PTPN7: variants seen among roughly 807,000 people sequenced by gnomAD.
PTPN7 encodes protein tyrosine phosphatase non-receptor type 7.
In PTPN7, 33 loss-of-function variants were observed where a neutral mutation model predicts 50.3. The ratio of observed to expected loss-of-function variants is 0.66; its 90% CI spans 0.50 to 0.88. The LOEUF is 0.88. Among genes scored for constraint, PTPN7 ranks in the 40% least tolerant of loss-of-function variants. The pLI is 0.00. For synonymous variants in PTPN7, 185 were observed against 186.6 expected, an observed-to-expected ratio of 0.99 and a Z score of 0.07; for missense variants, 412 against 475.4, an observed-to-expected ratio of 0.87 and a Z score of 1.24.
rs1284832357 is a variant in PTPN7, at chr1:202,157,833, G to T, written c.307-10C>A. The T allele has an allele frequency of 4.3e-6, 7 of 1,611,598 alleles. No individual in the cohort carries two copies. The highest frequency in any genetic ancestry group is 5.9e-6 in the Non-Finnish European group (7 of 1,177,754). On this transcript the variant is annotated splice_polypyrimidine_tract_variant and intron_variant, in intron 3 of 9. Coordinates refer to ENST00000691036, the MANE Select transcript of PTPN7 (RefSeq NM_002832.4). ...AGTTTGAAGGGATCTTCTGGCAGGGGGAGGAAATGGGTGAGCAGCTGACTC... is the reference window on the plus strand; with the variant it reads ...AGTTTGAAGGGATCTTCTGGCAGGGTGAGGAAATGGGTGAGCAGCTGACTC...
chr1:202,161,460 C>T (rs766605261), upstream of PTPN7: 1 of 1,289,828 alleles, frequency 7.8e-7, no homozygotes. Flanking sequence ...GCCTGGATGC[C>T]TGGGACCTGA....
rs777391455 is a variant in PTPN7, at chr1:202,153,713, G to A, written c.717+12C>T. ...CAACTTCCCACTGGGCCTGGCTCCGGGGGGGTGGTACCTGGATGGTGAGCT... is the reference window on the plus strand; with the variant it reads ...CAACTTCCCACTGGGCCTGGCTCCGAGGGGGTGGTACCTGGATGGTGAGCT... On this transcript the variant is annotated intron_variant, in intron 7 of 9. Coordinates refer to ENST00000691036, the MANE Select transcript of PTPN7 (RefSeq NM_002832.4). The A allele has an allele frequency of 1.2e-6, 2 of 1,607,882 alleles. No homozygotes were observed. The highest frequency in any genetic ancestry group is 1.7e-5 in the Admixed American group (1 of 59,970).
At position 202,159,274 on chromosome 1, in the gene PTPN7, A is replaced by G; in HGVS notation, c.122+7T>C. The stretch of plus-strand genomic sequence containing the variant: ...TCGGAAGACCCCTCCCCCAGGGAAG[A>G]TCTCACCTCTCCTGCAGTCGCACAT... On this transcript the variant is annotated splice_region_variant and intron_variant, in intron 2 of 9. Coordinates refer to ENST00000691036, the MANE Select transcript of PTPN7 (RefSeq NM_002832.4). This position sits in a 1 kb window ranked among gnomAD's most constrained non-coding sequence, Gnocchi z 4.6. 6.2e-7 allele frequency: 1 copy of G among 1,613,486 alleles called. No homozygotes were observed. Among genetic ancestry groups the G allele is most frequent in the East Asian group, 2.2e-5 (1 of 44,864 alleles).
chr1:202,156,935 C>T (rs532251564), intron 4 of PTPN7, among the ~76,000 whole-genome samples: 1 of 152,284 alleles, frequency 6.6e-6, no homozygotes, highest in African/African-American at 2.4e-5. Context: ...ACAGTGTCCT[C>T]CCTCCCCGCC....
At chr1:202,149,820 C>CTTTTTTTTTTTTTTTTTTTT (rs796249545) in intron 9 of PTPN7, 1 of 123,188 alleles carries the variant, frequency 8.1e-6, no homozygotes, top group African/African-American at 3.2e-5. Flanking sequence ...GACAGATATT[C>CTTTTTTTTTTTTTTTTTTTT]TTTTTTTTGT....
Position 202,147,297 on chromosome 1 carries a change from C to G in PTPN7, c.*1309G>C, listed in dbSNP as rs1478206986. ...GGCTGTAAGGAAGGAGCAGCTCCTC[C>G]ATAAGGCCAAGCAGAAGCATTAGGG... On this transcript the variant is annotated 3_prime_UTR_variant, in exon 10 of 10. Coordinates refer to ENST00000691036, the MANE Select transcript of PTPN7 (RefSeq NM_002832.4). The G allele has an allele frequency of 6.6e-6, 1 of 151,700 alleles. No individual in the cohort carries two copies. Among genetic ancestry groups the G allele is most frequent in the Non-Finnish European group, 1.5e-5 (1 of 67,986 alleles). The allele number at this position is 151,700 out of a possible 1,614,324, so 9.4% of individuals were successfully genotyped here.
At chr1:202,154,045 C>T in intron 6 of PTPN7, 141 bp downstream of exon 6, 3 of 1,281,762 alleles carry the variant, frequency 2.3e-6, no homozygotes, top group Non-Finnish European at 3.3e-6. Context: ...AGGGCTATAT[C>T]TCAGGGAACT....
rs997371372 is a variant in PTPN7, at chr1:202,159,577, G to C, written c.-52-123C>G. The C allele has an allele frequency of 3.3e-6, 5 of 1,492,714 alleles. No individual in the cohort carries two copies. The highest frequency in any genetic ancestry group is 2.3e-5 in the East Asian group (1 of 43,776). 92.5% of individuals were successfully genotyped at this position (1,492,714 alleles called of 1,614,324 possible). On this transcript the variant is annotated intron_variant, in intron 1 of 9. Transcript: ENST00000691036. The surrounding 1 kb of genome is among the most constrained non-coding windows in gnomAD (Gnocchi z 4.6). The stretch of plus-strand genomic sequence containing the variant: ...GGCGTCTTCTGTTCCCCAAGAGGTG[G>C]CCTCATTTTCACTAAGGGAAGGACA...
chr1:202,161,473 G>T, upstream of PTPN7: 1 of 1,289,748 alleles, frequency 7.8e-7, no homozygotes, highest in Non-Finnish European at 1.0e-6. Flanking sequence ...GGACCTGAAG[G>T]GTGGCCCCCA....
In PTPN7 at chr1:202,148,610, G is replaced by A. The variant is rs769206418; in HGVS notation, c.1079C>T (p.Pro360Leu). The change falls in exon 10 of 10, where the codon CCC becomes CTC. Residue 360 changes from proline (P) to leucine (L), a missense_variant. Physicochemically the swap from Pro to Leu is moderately conservative, Grantham distance 98. Coordinates refer to ENST00000691036, the MANE Select transcript of PTPN7 (RefSeq NM_002832.4). ...GCCACCGGAGGGTGGCAGGGGTCAG[G>A]GGCTGGGTTCCTCAGGCAGCTGGCC... ...YAGQLPEEPS[P>L] 2.5e-6 allele frequency: 4 copies of A among 1,613,870 alleles called. No homozygotes were observed. Among genetic ancestry groups the A allele is most frequent in the Non-Finnish European group, 3.4e-6 (4 of 1,179,874 alleles).
In PTPN7 at chr1:202,155,612, AG is replaced by A; in HGVS notation, c.392-4del. On this transcript the variant is annotated splice_region_variant and splice_polypyrimidine_tract_variant and intron_variant, in intron 4 of 9. Transcript: ENST00000691036. ...TAGACAGACACGGCTCTGGGGATCT[AG>A]GAAATAAAAATCAGCAGAGGTCAGA... The A allele has an allele frequency of 6.4e-7, 1 of 1,553,618 alleles. No individual in the cohort carries two copies. The highest frequency in any genetic ancestry group is 8.9e-7 in the Non-Finnish European group (1 of 1,125,254).
rs1011270483 is a variant in PTPN7 at position 202,159,726 on chromosome 1, G to A, written c.-52-272C>T. On this transcript the variant is annotated intron_variant, in intron 1 of 9. Coordinates refer to ENST00000691036, the MANE Select transcript of PTPN7 (RefSeq NM_002832.4). This position sits in a 1 kb window ranked among gnomAD's most constrained non-coding sequence, Gnocchi z 4.6. The stretch of plus-strand genomic sequence containing the variant: ...GAAGGAGGAAAAGAGAGAGGGGAGA[G>A]AGGCCACACACCAGAGTACACAGGG... 1.5e-6 allele frequency: 2 copies of A among 1,358,082 alleles called. No individual in the cohort carries two copies. The highest frequency in any genetic ancestry group is 1.9e-6 in the Non-Finnish European group (2 of 1,056,432). The allele number at this position is 1,358,082 out of a possible 1,614,324, so 84.1% of individuals were successfully genotyped here.
chr1:202,161,566 C>T, upstream of PTPN7: 1 of 1,283,092 alleles, frequency 7.8e-7, no homozygotes, highest in Non-Finnish European at 1.0e-6. Flanking sequence ...TTCATGCTCG[C>T]TGCACGCCTC....
rs985451852 is a variant in PTPN7 at position 202,152,481 on chromosome 1, A to G, written c.875+61T>C. The G allele has an allele frequency of 9.6e-6, 15 of 1,561,402 alleles. No homozygotes were observed. The African/African-American group carries it at 1.9e-4, about 20-fold the overall frequency. On this transcript the variant is annotated intron_variant, in intron 8 of 9. Transcript: ENST00000691036. ...CTGCTCAGACCCTTCCCCAGGAGAG[A>G]CCCAGGGGGCAGGGGAGGGGAGCAC...
rs1481337627 is a variant in PTPN7, at chr1:202,154,178, C to T, written c.606+8G>A. On this transcript the variant is annotated splice_region_variant and intron_variant, in intron 6 of 9. Transcript: ENST00000691036. ...GGGTTCATCATGAACTGTGGCTCTG[C>T]CTCCTACCTCCTTGCCCTCTCGGAG... 6.2e-7 allele frequency: 1 copy of T among 1,613,926 alleles called. No homozygotes were observed. The highest frequency in any genetic ancestry group is 2.2e-5 in the East Asian group (1 of 44,882).
chr1:202,148,734 A>G, intron 9 of PTPN7, 35 bp from the exon 10 acceptor site: 2 of 1,572,394 alleles, frequency 1.3e-6, no homozygotes, highest in African/African-American at 2.7e-5. Flanking sequence ...TGAGTGAAGG[A>G]GGGTCAGGGT....
At chr1:202,155,994 G>C (rs964007585) in intron 4 of PTPN7, among the ~76,000 whole-genome samples, 3 of 152,134 alleles carry the variant, frequency 2.0e-5, no homozygotes, top group African/African-American at 4.8e-5. Context: ...AGCTGGTCTT[G>C]AATTTCTGAC....
intron 8 of PTPN7, among the ~76,000 whole-genome samples, chr1:202,151,981 T>C (rs1656056713): frequency 6.6e-6 from 1 of 151,240 alleles, no homozygotes; most frequent in Admixed American, 6.6e-5. Flanking sequence ...TGCAGTGGTG[T>C]GATCTCGGCT....
upstream of PTPN7, chr1:202,161,562 C>T (rs1657376310): frequency 4.7e-6 from 6 of 1,285,278 alleles, no homozygotes; most frequent in Admixed American, 2.4e-5. Context: ...CCGGTTCATG[C>T]TCGCTGCACG....
Sources: gnomAD v4.1 joint callset for allele counts (sites outside exome capture counted in the v4.1 genomes callset) on GRCh38, gnomAD v4.1.1 for gene constraint, Gnocchi (gnomAD v3.1) non-coding constraint, MANE v1.5 for transcripts, NCBI Gene and HGNC (gene_info 2026-07-23, HGNC 2026-07-21) for gene names.